Variants in HPCAL1 observed in about 807,000 individuals in gnomAD.
HPCAL1 encodes hippocalcin like 1.
A neutral mutation model predicts 17.1 loss-of-function variants in HPCAL1; 8 were observed. The observed-to-expected ratio is 0.47, with a 90% CI of 0.27 to 0.84. HPCAL1 has a LOEUF of 0.84. Ranked by LOEUF, HPCAL1 falls within the 40% of genes least tolerant of loss-of-function variation. The pLI is 0.13. For synonymous variants in HPCAL1, 112 were observed against 111.4 expected (o/e 1.01, Z -0.03); for missense variants, 165 against 271.1 (o/e 0.61, Z 2.75).
intron 1 of HPCAL1, among the ~76,000 whole-genome samples, chr2:10,351,926 A>G (rs549023670): frequency 9.1e-4 from 108 of 119,312 alleles, no homozygotes; most frequent in African/African-American, 3.1e-3. Flanking sequence ...TTTTTTTTTG[A>G]CGGAGTCTCA....
chr2:10,400,697 G>A (rs1441920529), intron 2 of HPCAL1, among the ~76,000 whole-genome samples: 3 of 152,156 alleles, frequency 2.0e-5, no homozygotes, highest in African/African-American at 2.4e-5. Context: ...CCTCAGCCAC[G>A]GAGGGCAGAT....
rs936130170 is a variant in HPCAL1 at position 10,427,155 on chromosome 2, C to T, written c.*334C>T. The T allele has an allele frequency of 1.5e-5, 4 of 271,796 alleles. No homozygotes were observed. The highest frequency in any genetic ancestry group is 2.8e-5 in the Non-Finnish European group (4 of 140,618). The allele number at this position is 271,796 out of a possible 1,614,324, so 16.8% of individuals were successfully genotyped here. On this transcript the variant is annotated 3_prime_UTR_variant, in exon 5 of 5. Coordinates refer to ENST00000307845, the MANE Select transcript of HPCAL1 (RefSeq NM_002149.4). Reference sequence around the variant, plus strand: ...GACCAGGCAGGACCTCCCGAGGCTGCGCCCCGGCCGGCCCATGCGTTTTGT... The same window carrying T: ...GACCAGGCAGGACCTCCCGAGGCTGTGCCCCGGCCGGCCCATGCGTTTTGT...
In HPCAL1 at chr2:10,419,008, G is replaced by C. The variant is rs1010510914; in HGVS notation, c.-24-726G>C. ...GTGGATCACCTGAGGTCTGGAGTTC[G>C]AGACCAGCCTGGCCAACATGGTGAA... On this transcript the variant is annotated intron_variant, in intron 2 of 4. Coordinates refer to ENST00000307845, the MANE Select transcript of HPCAL1 (RefSeq NM_002149.4). The surrounding 1 kb of genome is among the most constrained non-coding windows in gnomAD (Gnocchi z 5.0). Among the ~76,000 whole-genome samples the C allele has an allele frequency of 6.6e-6, 1 of 152,092 alleles. No homozygotes were observed. The highest frequency in any genetic ancestry group is 2.4e-5 in the African/African-American group (1 of 41,384).
At chr2:10,329,346 C>G (rs968444548) in intron 1 of HPCAL1, among the ~76,000 whole-genome samples, 5 of 152,186 alleles carry the variant, frequency 3.3e-5, no homozygotes, top group Admixed American at 3.3e-4. Context: ...CCTGGATTAC[C>G]AGGGTGTAGT....
intron 1 of HPCAL1, among the ~76,000 whole-genome samples, chr2:10,337,592 C>CA (rs1308786249): frequency 6.6e-6 from 1 of 152,180 alleles, no homozygotes; most frequent in Middle Eastern, 3.2e-3. Flanking sequence ...TCCACTCCTC[C>CA]ACTGACAAGG....
intron 1 of HPCAL1, among the ~76,000 whole-genome samples, chr2:10,305,648 C>T (rs190051471): frequency 2.6e-4 from 40 of 152,324 alleles, no homozygotes; most frequent in African/African-American, 9.1e-4. Context: ...CAGAACAAGT[C>T]AAAACCCCAG....
At position 10,426,938 on chromosome 2, in the gene HPCAL1, C is replaced by T; in HGVS notation, c.*117C>T. 2 of 937,534 alleles carry T rather than the reference C, an allele frequency of 2.1e-6. No homozygotes were observed. Among genetic ancestry groups the T allele is most frequent in the South Asian group, 2.8e-5 (2 of 71,184 alleles). 58.1% of individuals were successfully genotyped at this position (937,534 alleles called of 1,614,324 possible). A position where few individuals can be genotyped will look rare whatever the true frequency, so the allele number is the denominator to read the frequency against. Reference sequence around the variant, plus strand: ...GCTCTCCCGGGCCCCGGGCCTGGGGCATGCGTTGCACCTGCCCAGCCCGGT... The same window carrying T: ...GCTCTCCCGGGCCCCGGGCCTGGGGTATGCGTTGCACCTGCCCAGCCCGGT... On this transcript the variant is annotated 3_prime_UTR_variant, in exon 5 of 5. Coordinates refer to ENST00000307845, the MANE Select transcript of HPCAL1 (RefSeq NM_002149.4).
rs1207993562 is a variant in HPCAL1 at position 10,316,760 on chromosome 2, T to C, written c.-111+13583T>C. 3.3e-5 allele frequency among the ~76,000 whole-genome samples: 5 copies of C among 152,344 alleles called. No homozygotes were observed. The East Asian group carries it at 7.7e-4, about 23-fold the overall frequency. On this transcript the variant is annotated intron_variant, in intron 1 of 4. Transcript: ENST00000307845. Reference sequence around the variant, plus strand: ...ACTGTAAAATCCGAGAAACCAGAAGTTGCCTTTGCTACTCACTCAGTGGCT... The same window carrying C: ...ACTGTAAAATCCGAGAAACCAGAAGCTGCCTTTGCTACTCACTCAGTGGCT...
Position 10,384,515 on chromosome 2 carries a change from C to T in HPCAL1, c.-110-12320C>T, listed in dbSNP as rs371097950. Among the ~76,000 whole-genome samples, 14 of 152,244 alleles carry T rather than the reference C, an allele frequency of 9.2e-5. 1 individual carries two copies. Among genetic ancestry groups the T allele is most frequent in the African/African-American group, 2.9e-4 (12 of 41,560 alleles). ...GCTGTGCTGGGCACTGGGGCAAGGC[C>T]CCCTCCCCCATGGGGCTACAGATGC... On this transcript the variant is annotated intron_variant, in intron 1 of 4. Transcript: ENST00000307845. The surrounding 1 kb of genome is among the most constrained non-coding windows in gnomAD (Gnocchi z 4.4).
At chr2:10,408,942 A>C (rs1318664518) in intron 2 of HPCAL1, among the ~76,000 whole-genome samples, 3 of 152,232 alleles carry the variant, frequency 2.0e-5, no homozygotes, top group Admixed American at 2.0e-4. Context: ...ATGTGATTGT[A>C]ACTTTTTCTA....
chr2:10,423,350 C>G, intron 4 of HPCAL1: 1 of 466,682 alleles, frequency 2.1e-6, no homozygotes, highest in Non-Finnish European at 4.0e-6. Flanking sequence ...CTTATAGAAT[C>G]GGGCATACCC....
At chr2:10,309,322 C>G (rs751692072) in intron 1 of HPCAL1, among the ~76,000 whole-genome samples, 6 of 152,220 alleles carry the variant, frequency 3.9e-5, no homozygotes, top group Non-Finnish European at 8.8e-5. Flanking sequence ...GTGTGAACTA[C>G]TGTGCCTCAG....
chr2:10,317,788 T>C (rs961486331), intron 1 of HPCAL1, among the ~76,000 whole-genome samples: 18 of 152,306 alleles, frequency 1.2e-4, no homozygotes, highest in South Asian at 4.1e-4. Context: ...AGCAAGACCA[T>C]TGGAGGCCCT....
In HPCAL1 at chr2:10,346,605, G is replaced by C. The variant is rs147142193; in HGVS notation, c.-111+43428G>C. Among the ~76,000 whole-genome samples, 789 of 152,274 alleles carry C rather than the reference G, an allele frequency of 5.2e-3. 3 individuals carry two copies. The highest frequency in any genetic ancestry group is 0.048 in the Middle Eastern group (14 of 294). On this transcript the variant is annotated intron_variant, in intron 1 of 4. Transcript: ENST00000307845. ...AAAGCACTGTCCAGTTGACATAACC[G>C]GTCTACCAGGCTGAGACCCACAGAC...
Position 10,342,824 on chromosome 2 carries a change from C to T in HPCAL1, c.-111+39647C>T, listed in dbSNP as rs1351146967. ...GCTCTGGCCGGCCTCTGAGGATTCT[C>T]TTCTTCTGTCCATCTCATGGCTGAA... On this transcript the variant is annotated intron_variant, in intron 1 of 4. Transcript: ENST00000307845. This position sits in a 1 kb window ranked among gnomAD's most constrained non-coding sequence, Gnocchi z 4.1. 2.0e-5 allele frequency among the ~76,000 whole-genome samples: 3 copies of T among 152,226 alleles called. No individual in the cohort carries two copies. Among genetic ancestry groups the T allele is most frequent in the Non-Finnish European group, 4.4e-5 (3 of 68,040 alleles).
Position 10,389,498 on chromosome 2 carries a change from C to T in HPCAL1, c.-110-7337C>T, listed in dbSNP as rs536790848. Among the ~76,000 whole-genome samples, 7 of 152,372 alleles carry T rather than the reference C, an allele frequency of 4.6e-5. No individual in the cohort carries two copies. In the South Asian group the frequency reaches 8.3e-4, roughly 18 times the overall value. On this transcript the variant is annotated intron_variant, in intron 1 of 4. Transcript: ENST00000307845. ...CCTGCAAGATCAGGAGCCATCTGTA[C>T]ACCAGGAAGACAGCCCTCCCCAGAA...
intron 1 of HPCAL1, among the ~76,000 whole-genome samples, chr2:10,352,087 G>A (rs1037516324): frequency 2.0e-5 from 3 of 152,014 alleles, no homozygotes; most frequent in Admixed American, 1.3e-4. Flanking sequence ...ATTTTTAGTA[G>A]AGAAGGAGTT....
chr2:10,423,926 G>A (rs571642665), intron 4 of HPCAL1: 4 of 153,764 alleles, frequency 2.6e-5, no homozygotes, highest in South Asian at 2.0e-4. Flanking sequence ...CCCCGTCTCT[G>A]CTAAAAATAC....
intron 1 of HPCAL1, among the ~76,000 whole-genome samples, chr2:10,334,644 A>G (rs190918572): frequency 3.4e-4 from 52 of 152,092 alleles, no homozygotes; most frequent in African/African-American, 1.2e-3. Flanking sequence ...GATGTGGTTC[A>G]TGGTCTTCTT....
Sources: gnomAD v4.1 joint callset for allele counts (sites outside exome capture counted in the v4.1 genomes callset) on GRCh38, gnomAD v4.1.1 for gene constraint, Gnocchi (gnomAD v3.1) non-coding constraint, MANE v1.5 for transcripts, NCBI Gene and HGNC (gene_info 2026-07-23, HGNC 2026-07-21) for gene names.